Variants in C18orf32 observed in about 807,000 individuals in gnomAD.
The protein encoded by C18orf32 is chromosome 18 open reading frame 32.
A neutral mutation model predicts 7.4 loss-of-function variants in C18orf32; 5 were observed. The observed-to-expected ratio is 0.68, with a 90% CI of 0.35 to 1.42. C18orf32 has a LOEUF of 1.42. Among genes scored for constraint, C18orf32 ranks in the 40% most tolerant of loss-of-function variants. The pLI is 0.04. For synonymous variants in C18orf32, 30 were observed against 29.3 expected, an observed-to-expected ratio of 1.02 and a Z score of -0.08; for missense variants, 88 against 92.4, an observed-to-expected ratio of 0.95 and a Z score of 0.19.
rs1295560930 is a variant in C18orf32 at position 49,481,573 on chromosome 18, CCAT to C, written c.*769_*771del. 3 of 126,040 alleles carry C rather than the reference CCAT, an allele frequency of 2.4e-5. No individual in the cohort carries two copies. Among genetic ancestry groups the C allele is most frequent in the African/African-American group, 9.4e-5 (3 of 31,752 alleles). The allele number at this position is 126,040 out of a possible 1,614,324, so 7.8% of individuals were successfully genotyped here. The stretch of plus-strand genomic sequence containing the variant: ...TTGTTGTCCCACCACTACACAGATG[CCAT>C]CACAACATCCAAATTCTGCCTTCTG... On this transcript the variant is annotated 3_prime_UTR_variant, in exon 3 of 3. Transcript: ENST00000318240.
intron 1 of C18orf32, among the ~76,000 whole-genome samples, chr18:49,485,610 G>T (rs1453284540): frequency 1.3e-5 from 2 of 150,986 alleles, no homozygotes; most frequent in Non-Finnish European, 2.9e-5. Context: ...GGGCAATAGT[G>T]ATTTTTTTTT....
rs1244859161 is a variant in C18orf32 at position 49,479,367 on chromosome 18, TA to T, written c.*2977del. 6.6e-6 allele frequency: 1 copy of T among 152,126 alleles called. No homozygotes were observed. Among genetic ancestry groups the T allele is most frequent in the African/African-American group, 2.4e-5 (1 of 41,366 alleles). 9.4% of individuals were successfully genotyped at this position (152,126 alleles called of 1,614,324 possible). On this transcript the variant is annotated 3_prime_UTR_variant, in exon 3 of 3. Transcript: ENST00000318240. ...GTGTGCACCAGGTCTAGGCAACAAC[TA>T]GGCAGGAGAGGTGTATGGGGAGAAG... is the stretch of plus-strand genomic sequence containing the variant.
rs1018948218 is a variant in C18orf32, at chr18:49,477,760, A to C, written c.*4585T>G. ...ATTGCACTGCAGCCTGGGCAACAAG[A>C]GCGAAACTCCATCTTCCAAAAACAA... On this transcript the variant is annotated 3_prime_UTR_variant, in exon 3 of 3. Transcript: ENST00000318240. 2.0e-5 allele frequency: 3 copies of C among 149,554 alleles called. No individual in the cohort carries two copies. Among genetic ancestry groups the C allele is most frequent in the Non-Finnish European group, 4.4e-5 (3 of 68,464 alleles). 9.3% of individuals were successfully genotyped at this position (149,554 alleles called of 1,614,324 possible).
rs2083651285 is a variant in C18orf32, at chr18:49,480,437, T to G, written c.*1908A>C. 1 of 151,984 alleles carries G rather than the reference T, an allele frequency of 6.6e-6. No homozygotes were observed. Among genetic ancestry groups the G allele is most frequent in the Admixed American group, 6.6e-5 (1 of 15,250 alleles). The allele number at this position is 151,984 out of a possible 1,614,324, so 9.4% of individuals were successfully genotyped here. A position where few individuals can be genotyped will look rare whatever the true frequency, so the allele number is the denominator to read the frequency against. ...TGAGGAGCAAAGAAGTAGGGACAAT[T>G]AGAAACGTTGCAATATTACTTAATT... On this transcript the variant is annotated 3_prime_UTR_variant, in exon 3 of 3. Transcript: ENST00000318240.
At chr18:49,486,439 A>G (rs1294440652) in intron 1 of C18orf32, 1 of 152,174 alleles carries the variant, frequency 6.6e-6, no homozygotes, top group African/African-American at 2.4e-5. Context: ...TTACGCCACA[A>G]TTACGGCTTT....
At position 49,479,421 on chromosome 18, in the gene C18orf32, A is replaced by C. The variant is rs2083642952; in HGVS notation, c.*2924T>G. The C allele has an allele frequency of 6.6e-6, 1 of 152,266 alleles. No homozygotes were observed. The allele number at this position is 152,266 out of a possible 1,614,324, so 9.4% of individuals were successfully genotyped here. ...AAACTGGTCACTCCAGGAAGACACC[A>C]CCTGTATATTAAAAGGGACGCAATC... On this transcript the variant is annotated 3_prime_UTR_variant, in exon 3 of 3. Coordinates refer to ENST00000318240, the MANE Select transcript of C18orf32 (RefSeq NM_001035005.4).
chr18:49,483,759 T>C lies in C18orf32; in HGVS notation c.-11A>G, dbSNP rs1332933984. ...AGGAATGCACACCATTTTCCCAAGC[T>C]TGAGCTCCTCAACTGTTGATATATG... On this transcript the variant is annotated 5_prime_UTR_variant, in exon 2 of 3. Coordinates refer to ENST00000318240, the MANE Select transcript of C18orf32 (RefSeq NM_001035005.4). The C allele has an allele frequency of 2.5e-6, 4 of 1,605,026 alleles. No homozygotes were observed. The highest frequency in any genetic ancestry group is 1.3e-5 in the African/African-American group (1 of 74,284).
At position 49,480,075 on chromosome 18, in the gene C18orf32, G is replaced by A. The variant is rs775789860; in HGVS notation, c.*2270C>T. On this transcript the variant is annotated 3_prime_UTR_variant, in exon 3 of 3. Coordinates refer to ENST00000318240, the MANE Select transcript of C18orf32 (RefSeq NM_001035005.4). ...GGCAGTGGCTCATGCCTGTAATCCCGACACTTTGGGAGGCTGAGGCAAGAG... is the reference window on the plus strand; with the variant it reads ...GGCAGTGGCTCATGCCTGTAATCCCAACACTTTGGGAGGCTGAGGCAAGAG... 2.6e-4 allele frequency: 39 copies of A among 152,012 alleles called. 1 individual carries two copies. The highest frequency in any genetic ancestry group is 2.4e-3 in the Admixed American group (37 of 15,260). 9.4% of individuals were successfully genotyped at this position (152,012 alleles called of 1,614,324 possible).
chr18:49,482,692 A>G (rs1055019100), intron 2 of C18orf32, among the ~76,000 whole-genome samples: 1 of 150,570 alleles, frequency 6.6e-6, no homozygotes, highest in Admixed American at 6.7e-5. Flanking sequence ...ATGCCACTGC[A>G]CTCTAGCCTG....
Position 49,482,250 on chromosome 18 carries a change from G to A in C18orf32, c.*95C>T, listed in dbSNP as rs1318005990. On this transcript the variant is annotated 3_prime_UTR_variant, in exon 3 of 3. Coordinates refer to ENST00000318240, the MANE Select transcript of C18orf32 (RefSeq NM_001035005.4). ...TATCTAGACTCCTATCCTGAATTCCGGTCTCAGATAAAAAGGTCAGAGACA... is the reference window on the plus strand; with the variant it reads ...TATCTAGACTCCTATCCTGAATTCCAGTCTCAGATAAAAAGGTCAGAGACA... 1.7e-5 allele frequency: 14 copies of A among 841,452 alleles called. No individual in the cohort carries two copies. The highest frequency in any genetic ancestry group is 2.8e-5 in the South Asian group (2 of 70,488). The allele number at this position is 841,452 out of a possible 1,614,324, so 52.1% of individuals were successfully genotyped here.
Position 49,482,424 on chromosome 18 carries a change from AC to A in C18orf32, c.166-15del. On this transcript the variant is annotated splice_polypyrimidine_tract_variant and intron_variant, in intron 2 of 2. Transcript: ENST00000318240. ...CATGTCTGCACCCTAAAATGAAAAA[AC>A]ATTTTAGAAATTATCATAACAAGCC... is the stretch of plus-strand genomic sequence containing the variant. 6.3e-7 allele frequency: 1 copy of A among 1,592,416 alleles called. No homozygotes were observed. The highest frequency in any genetic ancestry group is 8.6e-7 in the Non-Finnish European group (1 of 1,162,418).
intron 2 of C18orf32, among the ~76,000 whole-genome samples, chr18:49,483,234 A>G (rs2083686776): frequency 1.3e-5 from 2 of 152,112 alleles, no homozygotes; most frequent in South Asian, 4.1e-4. Context: ...AAGACAACAG[A>G]GTTGTCCACT....
At chr18:49,483,988 G>A (rs1292008114) in intron 1 of C18orf32, among the ~76,000 whole-genome samples, 2 of 151,600 alleles carry the variant, frequency 1.3e-5, no homozygotes, top group Admixed American at 1.3e-4. Flanking sequence ...AATTAGCTGG[G>A]CATGGTGGCA....
intron 1 of C18orf32, among the ~76,000 whole-genome samples, chr18:49,485,466 A>G (rs2083728037): frequency 6.6e-6 from 1 of 152,076 alleles, no homozygotes; most frequent in African/African-American, 2.4e-5. Flanking sequence ...AGGCAGGAGA[A>G]TTGCTTGAAC....
Position 49,477,908 on chromosome 18 carries a change from T to TAC in C18orf32, c.*4435_*4436dup, listed in dbSNP as rs1202847288. The TAC allele has an allele frequency of 7.0e-6, 1 of 143,592 alleles. No individual in the cohort carries two copies. The highest frequency in any genetic ancestry group is 1.5e-5 in the Non-Finnish European group (1 of 67,188). 8.9% of individuals were successfully genotyped at this position (143,592 alleles called of 1,614,324 possible). On this transcript the variant is annotated 3_prime_UTR_variant, in exon 3 of 3. Coordinates refer to ENST00000318240, the MANE Select transcript of C18orf32 (RefSeq NM_001035005.4). Reference sequence around the variant, plus strand: ...TATATATATATACACTATATGTATATACACTATATATATATACACACTATA... The same window carrying TAC: ...TATATATATATACACTATATGTATATACACACTATATATATATACACACTATA...
chr18:49,484,269 CTT>C (rs2083710105), intron 1 of C18orf32, among the ~76,000 whole-genome samples: 1 of 148,256 alleles, frequency 6.7e-6, no homozygotes, highest in Non-Finnish European at 1.5e-5. Context: ...AAAAAAAAGA[CTT>C]TATTAAATAA....
At chr18:49,482,462 C>T (rs745960439) in intron 2 of C18orf32, 52 bp from the exon 3 acceptor site, 1 of 1,328,224 alleles carries the variant, frequency 7.5e-7, no homozygotes, top group Non-Finnish European at 1.1e-6. Context: ...GGTGCGGTGG[C>T]TTATGCCTGT....
chr18:49,482,430 T>C lies in C18orf32; in HGVS notation c.166-20A>G. ...TGCACCCTAAAATGAAAAAACATTT[T>C]AGAAATTATCATAACAAGCCGGGTG... is the stretch of plus-strand genomic sequence containing the variant. On this transcript the variant is annotated intron_variant, in intron 2 of 2. Coordinates refer to ENST00000318240, the MANE Select transcript of C18orf32 (RefSeq NM_001035005.4). The C allele has an allele frequency of 8.8e-6, 14 of 1,589,298 alleles. No individual in the cohort carries two copies. Among genetic ancestry groups the C allele is most frequent in the Non-Finnish European group, 1.2e-5 (14 of 1,159,662 alleles).
At chr18:49,484,694 A>G (rs1279047928) in intron 1 of C18orf32, 3 of 152,234 alleles carry the variant, frequency 2.0e-5, no homozygotes, top group Admixed American at 6.5e-5. Context: ...AGGAAAAACA[A>G]CAACATTTGG....
Sources: allele counts gnomAD v4.1 joint callset (sites outside exome capture counted in the v4.1 genomes callset), GRCh38; gene constraint gnomAD v4.1.1; transcripts MANE v1.5; gene names NCBI Gene and HGNC (gene_info 2026-07-23, HGNC 2026-07-21).